SPAG9: variants seen among roughly 807,000 people sequenced by gnomAD.
SPAG9 encodes the protein sperm associated antigen 9, also known as C-Jun-amino-terminal kinase-interacting protein 4.
In SPAG9, 35 loss-of-function variants were observed where a neutral mutation model predicts 166.5. That is an observed-to-expected ratio of 0.21 (90% CI 0.16 to 0.28). SPAG9 has a LOEUF of 0.28. SPAG9 is among the 10% of genes least tolerant of loss of function. The pLI, the probability that SPAG9 is intolerant of heterozygous loss-of-function variation, is 1.00. For missense variants in SPAG9, 1,235 were observed against 1,603.3 expected (o/e 0.77, Z 3.92); for synonymous variants, 534 against 565.5 (o/e 0.94, Z 0.79).
intron 18 of SPAG9, 56 bp downstream of exon 18, chr17:50,995,001 A>T (rs1454124153): frequency 7.1e-7 from 1 of 1,410,342 alleles, no homozygotes; most frequent in Non-Finnish European, 9.6e-7. Context: ...ATTTTGGATG[A>T]AAGAGTTAAA....
chr17:51,045,249 C>T (rs1359941058), intron 4 of SPAG9, among the ~76,000 whole-genome samples: 2 of 152,136 alleles, frequency 1.3e-5, no homozygotes, highest in African/African-American at 2.4e-5. Flanking sequence ...CAAATGAAGC[C>T]TAAACCCAAG....
intron 1 of SPAG9, among the ~76,000 whole-genome samples, chr17:51,098,819 G>A (rs1483366728): frequency 6.6e-6 from 1 of 151,518 alleles, no homozygotes; most frequent in Non-Finnish European, 1.5e-5. Context: ...TGGTTACTTT[G>A]GGCCGGGCAC....
chr17:51,056,542 C>T, intron 2 of SPAG9, 60 bp from the exon 3 acceptor site: 1 of 1,072,840 alleles, frequency 9.3e-7, no homozygotes, highest in South Asian at 1.3e-5. Context: ...TGAAAAAGTA[C>T]ATGTTAGACT....
At chr17:50,997,628 A>G (rs1258032478) in intron 15 of SPAG9, among the ~76,000 whole-genome samples, 1 of 152,238 alleles carries the variant, frequency 6.6e-6, no homozygotes, top group Admixed American at 6.5e-5. Flanking sequence ...CACAGTTAAC[A>G]TATCTACCTA....
At chr17:51,023,902 G>C (rs1243937858) in intron 6 of SPAG9, among the ~76,000 whole-genome samples, 1 of 152,194 alleles carries the variant, frequency 6.6e-6, no homozygotes, top group Non-Finnish European at 1.5e-5. Flanking sequence ...CTGGCCTCAA[G>C]CGATCTGCTG....
intron 1 of SPAG9, among the ~76,000 whole-genome samples, chr17:51,083,360 G>A (rs1460289284): frequency 6.7e-6 from 1 of 150,254 alleles, no homozygotes; most frequent in Non-Finnish European, 1.5e-5. Context: ...TCAGCTTCCC[G>A]CACAGCTGGG....
chr17:51,094,254 A>C (rs1421875305), intron 1 of SPAG9, among the ~76,000 whole-genome samples: 1 of 152,226 alleles, frequency 6.6e-6, no homozygotes, highest in African/African-American at 2.4e-5. Flanking sequence ...TCACTTTTAA[A>C]ACATGAAGGA....
chr17:51,062,900 CT>C (rs1328881262), intron 2 of SPAG9, among the ~76,000 whole-genome samples: 1 of 152,102 alleles, frequency 6.6e-6, no homozygotes, highest in Admixed American at 6.6e-5. Context: ...TACTCCACGT[CT>C]TTTCCTGGAC....
At position 51,021,207 on chromosome 17, in the gene SPAG9, G is replaced by A; in HGVS notation, c.942C>T (p.Ser314=). ...GGGCTACCTGTACTTCAATGTGTTT[G>A]CTTATCTCTGATTTATTTGGCGCAT... ...VTDAPNKSEI[S]KHIEVQVAQE... Residue 314 remains serine (S), a synonymous_variant, in exon 7 of 30, where the codon AGC becomes AGT. Transcript: ENST00000262013. 2 of 1,613,974 alleles carry A rather than the reference G, an allele frequency of 1.2e-6. No individual in the cohort carries two copies. The highest frequency in any genetic ancestry group is 1.7e-6 in the Non-Finnish European group (2 of 1,179,964).
At chr17:51,109,318 C>A (rs1381710798) in intron 1 of SPAG9, among the ~76,000 whole-genome samples, 2 of 152,106 alleles carry the variant, frequency 1.3e-5, no homozygotes, top group Non-Finnish European at 2.9e-5. Context: ...CTCACCACAA[C>A]CTCCACCTCC....
At chr17:50,970,582 CGT>C (rs1555628114) in intron 29 of SPAG9, 123 bp downstream of exon 29, 15 of 673,510 alleles carry the variant, frequency 2.2e-5, no homozygotes, top group Non-Finnish European at 1.4e-5. Context: ...AAAATCCTTT[CGT>C]GTGTAAAGAG....
At chr17:51,051,743 C>G (rs1369342893) in intron 3 of SPAG9, among the ~76,000 whole-genome samples, 1 of 152,094 alleles carries the variant, frequency 6.6e-6, no homozygotes, top group Non-Finnish European at 1.5e-5. Flanking sequence ...GCAATAGAAT[C>G]TGACAAACCT....
At chr17:50,974,729 A>G (rs184966380) in intron 28 of SPAG9, 42 bp downstream of exon 28, 118 of 1,514,564 alleles carry the variant, frequency 7.8e-5, no homozygotes, top group Middle Eastern at 5.3e-4. Context: ...GACAGAAGAG[A>G]GACAATTACA....
chr17:51,013,733 C>T (rs1220865680), intron 9 of SPAG9, among the ~76,000 whole-genome samples: 1 of 152,120 alleles, frequency 6.6e-6, no homozygotes, highest in Non-Finnish European at 1.5e-5. Flanking sequence ...AGAACACAAA[C>T]TTTAAAATGA....
At chr17:51,032,195 C>T (rs2046409056) in intron 5 of SPAG9, among the ~76,000 whole-genome samples, 1 of 152,132 alleles carries the variant, frequency 6.6e-6, no homozygotes, top group African/African-American at 2.4e-5. Flanking sequence ...CGGTCTCACT[C>T]CTGTCGTCCA....
chr17:51,053,851 AAAAGTATATATATAT>A (rs1224139172), intron 3 of SPAG9, among the ~76,000 whole-genome samples: 6 of 65,424 alleles, frequency 9.2e-5, no homozygotes, highest in East Asian at 8.0e-4. Flanking sequence ...AAAAAAAAAA[AAAAGTATATATATAT>A]ATATATATAT....
In SPAG9 at chr17:51,114,803, T is replaced by G. The variant is rs2049234920; in HGVS notation, c.303+5551A>C. Among the ~76,000 whole-genome samples, 3 of 151,512 alleles carry G rather than the reference T, an allele frequency of 2.0e-5. No homozygotes were observed. In the South Asian group the frequency reaches 6.2e-4, roughly 32 times the overall value. On this transcript the variant is annotated intron_variant, in intron 1 of 29. Coordinates refer to ENST00000262013, the MANE Select transcript of SPAG9 (RefSeq NM_001130528.3). Reference sequence around the variant, plus strand: ...CCTGTCTCTACTGAAAATACAAAAATTAGCCGGGTGTAGTGGTGCACACCT... The same window carrying G: ...CCTGTCTCTACTGAAAATACAAAAAGTAGCCGGGTGTAGTGGTGCACACCT...
intron 2 of SPAG9, among the ~76,000 whole-genome samples, chr17:51,063,920 A>G (rs989915650): frequency 1.3e-5 from 2 of 152,194 alleles, no homozygotes; most frequent in Non-Finnish European, 2.9e-5. Context: ...GTAAGTAAGT[A>G]AAAAATAATA....
intron 3 of SPAG9, among the ~76,000 whole-genome samples, chr17:51,054,702 C>T (rs1297503803): frequency 6.6e-6 from 1 of 152,076 alleles, no homozygotes; most frequent in Non-Finnish European, 1.5e-5. Flanking sequence ...TCCCAAAGTG[C>T]TGGGATTACA....
Sources: allele counts gnomAD v4.1 joint callset (sites outside exome capture counted in the v4.1 genomes callset), GRCh38; gene constraint gnomAD v4.1.1; transcripts MANE v1.5; gene names NCBI Gene and HGNC (gene_info 2026-07-23, HGNC 2026-07-21).